DMD: variants seen among roughly 807,000 people sequenced by gnomAD.
The protein encoded by DMD is dystrophin.
In DMD, 63 loss-of-function variants were observed where a neutral mutation model predicts 330.1. The ratio of observed to expected loss-of-function variants is 0.19; its 90% CI spans 0.16 to 0.24. DMD has a LOEUF of 0.24. Ranked by LOEUF, DMD falls within the 10% of genes least tolerant of loss-of-function variation. The probability of loss-of-function intolerance (pLI) is 1.00; values close to 1 mark genes in which losing one functional copy is unlikely to be tolerated. For missense variants in DMD, 3,344 were observed against 2,684.1 expected, an observed-to-expected ratio of 1.25 and a Z score of -5.43; for synonymous variants, 1,223 against 959.8, an observed-to-expected ratio of 1.27 and a Z score of -5.07.
At chrX:33,264,154 A>G (rs1008456123) in intron 1 of DMD, among the ~76,000 whole-genome samples, 6 of 111,614 alleles carry the variant, frequency 5.4e-5, no homozygotes, top group Admixed American at 9.6e-5. Context: ...GATAAATTGC[A>G]CAAATATACA....
At chrX:32,890,423 A>C (rs1170232059) in intron 2 of DMD, among the ~76,000 whole-genome samples, 2 of 101,085 alleles carry the variant, frequency 2.0e-5, no homozygotes, top group African/African-American at 7.4e-5. Context: ...GGAGCTGTAG[A>C]TATTAAGGCC....
intron 17 of DMD, among the ~76,000 whole-genome samples, chrX:32,522,246 T>C (rs763720192): frequency 1.8e-5 from 2 of 112,129 alleles, no homozygotes; most frequent in East Asian, 5.6e-4. Context: ...AACCCAAATC[T>C]GTGTTGCCAT....
chrX:32,789,030 C>G (rs1009245387), intron 7 of DMD, among the ~76,000 whole-genome samples: 4 of 111,695 alleles, frequency 3.6e-5, no homozygotes, highest in African/African-American at 1.3e-4. Context: ...CTGCAAACAG[C>G]TCCTCTCACC....
chrX:32,361,166 T>C (rs1483710248), intron 37 of DMD, among the ~76,000 whole-genome samples: 1 of 111,889 alleles, frequency 8.9e-6, no homozygotes, highest in African/African-American at 3.2e-5. Context: ...ATCTTAGTAA[T>C]GAAGTAGTAG....
At chrX:32,496,812 T>C (rs991158961) in intron 19 of DMD, among the ~76,000 whole-genome samples, 3 of 112,417 alleles carry the variant, frequency 2.7e-5, no homozygotes, top group Non-Finnish European at 3.8e-5. Flanking sequence ...TGTAGAGCAT[T>C]ATACTAAGTG....
At chrX:31,662,856 T>C (rs1410077600) in intron 53 of DMD, among the ~76,000 whole-genome samples, 1 of 112,167 alleles carries the variant, frequency 8.9e-6, no homozygotes, top group East Asian at 2.8e-4. Context: ...AATATGCTTA[T>C]GAACAAAAAG....
intron 60 of DMD, among the ~76,000 whole-genome samples, chrX:31,391,085 C>T (rs1483681356): frequency 1.8e-5 from 2 of 111,661 alleles, no homozygotes; most frequent in Admixed American, 1.9e-4. Flanking sequence ...AAGAAGTTCC[C>T]ACTATTATTC....
intron 29 of DMD, among the ~76,000 whole-genome samples, chrX:32,413,884 C>T (rs182714678): frequency 3.7e-5 from 4 of 109,125 alleles, no homozygotes; most frequent in South Asian, 8.0e-4. Flanking sequence ...CCATGCCTGG[C>T]GAATTTTTGT....
chrX:32,562,597 T>C lies in DMD; in HGVS notation c.1992+3105A>G, dbSNP rs539793345. ...GAAACAATTGAGTATATCATGTGAG[T>C]AGTCATTAATGAAACTCATTTTTCT... On this transcript the variant is annotated intron_variant, in intron 16 of 78. Coordinates refer to ENST00000357033, the MANE Select transcript of DMD (RefSeq NM_004006.3). 8.0e-5 allele frequency among the ~76,000 whole-genome samples: 9 copies of C among 112,461 alleles called. No homozygotes were observed. In the East Asian group the frequency reaches 2.2e-3, roughly 28 times the overall value.
At chrX:32,438,655 C>T (rs745814848) in intron 28 of DMD, among the ~76,000 whole-genome samples, 1 of 111,555 alleles carries the variant, frequency 9.0e-6, no homozygotes, top group South Asian at 3.7e-4. Flanking sequence ...CTTGACGTCC[C>T]CTAACTCTAA....
intron 60 of DMD, among the ~76,000 whole-genome samples, chrX:31,370,098 CAAAA>C (rs59989996): frequency 1.7e-5 from 1 of 59,346 alleles, no homozygotes; most frequent in Admixed American, 2.1e-4. Context: ...GGCTCCGTCT[CAAAA>C]AAAAAAAAAA....
chrX:32,155,587 C>G (rs1299922500), intron 44 of DMD: 6 of 204,543 alleles, frequency 2.9e-5, no homozygotes, highest in Non-Finnish European at 4.4e-5. Flanking sequence ...CTCAATTTCA[C>G]TCCACACACA....
At chrX:32,836,103 C>T (rs986292124) in intron 4 of DMD, among the ~76,000 whole-genome samples, 3 of 109,991 alleles carry the variant, frequency 2.7e-5, no homozygotes, top group Non-Finnish European at 5.7e-5. Flanking sequence ...ATGATCACCT[C>T]TCAGTGCAAC....
At chrX:32,811,193 AAAAT>A (rs1203178888) in intron 6 of DMD, among the ~76,000 whole-genome samples, 2 of 107,651 alleles carry the variant, frequency 1.9e-5, no homozygotes, top group African/African-American at 6.8e-5. Flanking sequence ...AAAAAAAAAA[AAAAT>A]AGCCAAGTGT....
chrX:31,288,871 A>G (rs1385500031), intron 62 of DMD, among the ~76,000 whole-genome samples: 3 of 112,189 alleles, frequency 2.7e-5, no homozygotes, highest in Admixed American at 9.5e-5. Flanking sequence ...ATTTTCAATA[A>G]ATGAATAATC....
chrX:31,314,410 A>G (rs2055795622), intron 62 of DMD, among the ~76,000 whole-genome samples: 1 of 112,135 alleles, frequency 8.9e-6, no homozygotes, highest in African/African-American at 3.2e-5. Context: ...TGCACTGACC[A>G]TCTGACATGC....
chrX:32,254,129 C>G (rs1247067372), intron 43 of DMD, among the ~76,000 whole-genome samples: 1 of 111,499 alleles, frequency 9.0e-6, no homozygotes, highest in African/African-American at 3.3e-5. Context: ...GCAACCTCCG[C>G]CTCCTGGGTT....
intron 2 of DMD, among the ~76,000 whole-genome samples, chrX:32,924,189 A>G (rs1176646627): frequency 2.7e-5 from 3 of 111,789 alleles, no homozygotes; most frequent in Non-Finnish European, 3.8e-5. Context: ...CCATAAGTCT[A>G]TGGATGCAAA....
At chrX:32,444,940 A>G (rs1445060902) in intron 27 of DMD, among the ~76,000 whole-genome samples, 1 of 111,104 alleles carries the variant, frequency 9.0e-6, no homozygotes, top group Non-Finnish European at 1.9e-5. Flanking sequence ...AAGGAATCAA[A>G]AACAACTCTT....
Sources: gnomAD v4.1 joint callset for allele counts (sites outside exome capture counted in the v4.1 genomes callset) on GRCh38, gnomAD v4.1.1 for gene constraint, MANE v1.5 for transcripts, NCBI Gene and HGNC (gene_info 2026-07-23, HGNC 2026-07-21) for gene names.